The following FKTN variants were observed in gnomAD, a reference collection of about 807,000 sequenced individuals.
The protein encoded by FKTN is fukutin, also known as ribitol-5-phosphate transferase FKTN.
A neutral mutation model predicts 58.6 loss-of-function variants in FKTN; 47 were observed. The ratio of observed to expected loss-of-function variants is 0.80; its 90% confidence interval spans 0.63 to 1.02. The LOEUF (loss-of-function observed/expected upper bound fraction) is 1.02, where lower values mean the gene tolerates loss of function less well. Among genes scored for constraint, FKTN ranks in the 50% least tolerant of loss-of-function variants. The pLI, the probability that FKTN is intolerant of heterozygous loss-of-function variation, is 0.00. For synonymous variants in FKTN, 178 were observed against 191.9 expected (o/e 0.93, Z 0.60); for missense variants, 516 against 537.3 (o/e 0.96, Z 0.39).
intron 3 of FKTN, among the ~76,000 whole-genome samples, chr9:105,585,676 T>G (rs1843776670): frequency 6.6e-6 from 1 of 152,250 alleles, no homozygotes; most frequent in East Asian, 1.9e-4. Context: ...TGAACTATTG[T>G]TAACTTTGTT....
Position 105,639,125 on chromosome 9 carries a change from T to C in FKTN, c.*3861T>C, listed in dbSNP as rs185745657. ...TTCCCTCAAAACCTAGTCAAGAAAG[T>C]GCCACATTCCCACCTTCTAACAGGT... is the stretch of plus-strand genomic sequence containing the variant. On this transcript the variant is annotated 3_prime_UTR_variant, in exon 11 of 11. Coordinates refer to ENST00000357998, the MANE Select transcript of FKTN (RefSeq NM_001079802.2). 5.9e-4 allele frequency: 580 copies of C among 985,304 alleles called. 4 individuals carry two copies. The African/African-American group carries it at 9.6e-3, about 16-fold the overall frequency. The allele number at this position is 985,304 out of a possible 1,614,324, so 61.0% of individuals were successfully genotyped here. A position where few individuals can be genotyped will look rare whatever the true frequency, so the allele number is the denominator to read the frequency against.
At chr9:105,601,415 T>A in intron 5 of FKTN, 67 bp downstream of exon 5, 1 of 1,144,924 alleles carries the variant, frequency 8.7e-7, no homozygotes, top group East Asian at 2.3e-5. Context: ...TTTAGGCTAG[T>A]TTAAAATGTA....
At chr9:105,616,884 A>AG (rs1012537366) in intron 8 of FKTN, among the ~76,000 whole-genome samples, 84 of 152,108 alleles carry the variant, frequency 5.5e-4, no homozygotes, top group Non-Finnish European at 1.1e-3. Context: ...TAAGCCAAAA[A>AG]AAAAAAAAAA....
At chr9:105,568,392 A>G (rs1840089884) in intron 1 of FKTN, among the ~76,000 whole-genome samples, 1 of 152,236 alleles carries the variant, frequency 6.6e-6, no homozygotes, top group Non-Finnish European at 1.5e-5. Flanking sequence ...CAATCTACTC[A>G]TCTGACAAAG....
intron 4 of FKTN, among the ~76,000 whole-genome samples, chr9:105,600,601 G>A (rs1316007726): frequency 6.6e-6 from 1 of 152,064 alleles, no homozygotes; most frequent in Admixed American, 6.6e-5. Context: ...CAGTCATCAA[G>A]CAGGCAGTGT....
At chr9:105,561,478 C>CACTCCT (rs1031805488) in intron 1 of FKTN, among the ~76,000 whole-genome samples, 4 of 152,146 alleles carry the variant, frequency 2.6e-5, no homozygotes, top group Non-Finnish European at 5.9e-5. Context: ...AAAGCACCTA[C>CACTCCT]ACTCCTCCCA....
In FKTN at chr9:105,639,975, A is replaced by G; in HGVS notation, c.*4711A>G. 2.0e-6 allele frequency: 3 copies of G among 1,507,820 alleles called. No homozygotes were observed. The highest frequency in any genetic ancestry group is 2.7e-6 in the Non-Finnish European group (3 of 1,130,742). 93.4% of individuals were successfully genotyped at this position (1,507,820 alleles called of 1,614,324 possible). A position where few individuals can be genotyped will look rare whatever the true frequency, so the allele number is the denominator to read the frequency against. On this transcript the variant is annotated 3_prime_UTR_variant, in exon 11 of 11. Coordinates refer to ENST00000357998, the MANE Select transcript of FKTN (RefSeq NM_001079802.2). ...AAGCCATGATTTGGAGAGGGAAGAA[A>G]TCTGGAATACTTAATTTCATTTAAT...
chr9:105,618,519 C>T (rs1049008165), intron 9 of FKTN, among the ~76,000 whole-genome samples: 9 of 152,178 alleles, frequency 5.9e-5, no homozygotes, highest in South Asian at 2.1e-4. Flanking sequence ...TCATTATCAA[C>T]ATAAAATATT....
intron 3 of FKTN, among the ~76,000 whole-genome samples, chr9:105,578,836 C>T: frequency 6.6e-6 from 1 of 151,894 alleles, no homozygotes; most frequent in East Asian, 1.9e-4. Context: ...TAATTATTGC[C>T]TCAATTTCAG....
At chr9:105,595,719 A>G (rs1221317843) in intron 3 of FKTN, among the ~76,000 whole-genome samples, 1 of 152,168 alleles carries the variant, frequency 6.6e-6, no homozygotes, top group Non-Finnish European at 1.5e-5. Flanking sequence ...GATGGATTGG[A>G]CTTTGTCCCT....
chr9:105,575,626 G>A (rs963608600), intron 3 of FKTN, among the ~76,000 whole-genome samples: 13 of 152,092 alleles, frequency 8.5e-5, no homozygotes, highest in Admixed American at 2.6e-4. Context: ...TTGAGATGGT[G>A]TTGTTACATT....
In FKTN at chr9:105,561,641, A is replaced by C. The variant is rs138353821; in HGVS notation, c.-181+3476A>C. Among the ~76,000 whole-genome samples the C allele has an allele frequency of 3.9e-3, 596 of 152,312 alleles. 6 individuals carry two copies. Among genetic ancestry groups the C allele is most frequent in the African/African-American group, 0.013 (542 of 41,574 alleles). ...TATTTATGATTTTTCTGGAGCATCT[A>C]CTGGAGAAACTAAATTTCATTAGCT... On this transcript the variant is annotated intron_variant, in intron 1 of 10. Coordinates refer to ENST00000357998, the MANE Select transcript of FKTN (RefSeq NM_001079802.2).
At chr9:105,599,861 C>G (rs781006252) in intron 4 of FKTN, among the ~76,000 whole-genome samples, 4 of 152,166 alleles carry the variant, frequency 2.6e-5, no homozygotes, top group East Asian at 3.9e-4. Flanking sequence ...TCCATTTTCT[C>G]AGAAAGTTTT....
At chr9:105,615,245 G>A in intron 7 of FKTN, 33 bp from the exon 8 acceptor site, 1 of 1,609,348 alleles carries the variant, frequency 6.2e-7, no homozygotes, top group Non-Finnish European at 8.5e-7. Flanking sequence ...TTTAGAAATG[G>A]CTGTAATAGC....
chr9:105,571,338 G>C (rs893152540), intron 1 of FKTN, among the ~76,000 whole-genome samples: 3 of 152,126 alleles, frequency 2.0e-5, no homozygotes, highest in African/African-American at 7.2e-5. Flanking sequence ...AGTGGTTACT[G>C]AATATTCCTA....
At position 105,636,803 on chromosome 9, in the gene FKTN, G is replaced by A. The variant is rs542365250; in HGVS notation, c.*1539G>A. 3 of 1,228,794 alleles carry A rather than the reference G, an allele frequency of 2.4e-6. No individual in the cohort carries two copies. The highest frequency in any genetic ancestry group is 3.2e-6 in the Non-Finnish European group (3 of 941,380). The allele number at this position is 1,228,794 out of a possible 1,614,324, so 76.1% of individuals were successfully genotyped here. On this transcript the variant is annotated 3_prime_UTR_variant, in exon 11 of 11. Coordinates refer to ENST00000357998, the MANE Select transcript of FKTN (RefSeq NM_001079802.2). ...GAAACCTGAATGTCTGAGGGAATGG[G>A]CTGGTAGACTTTTTCGAAAACAAAT...
At chr9:105,614,648 C>T (rs1048910844) in intron 7 of FKTN, among the ~76,000 whole-genome samples, 2 of 152,072 alleles carry the variant, frequency 1.3e-5, no homozygotes, top group African/African-American at 2.4e-5. Context: ...TCATAATTAG[C>T]TTTATTTTAT....
Position 105,617,968 on chromosome 9 carries a change from G to A in FKTN, c.920G>A (p.Arg307Gln), listed in dbSNP as rs119463992. Residue 307 changes from arginine to glutamine, a missense_variant, in exon 9 of 11, where the codon CGA becomes CAA. Arg to Gln is a conservative substitution (Grantham distance 43). Transcript: ENST00000357998. ...LSSGTCLGWY[R>Q]QCNIIPYSKD... The stretch of plus-strand genomic sequence containing the variant: ...TTAATCTTCTTTTTAGGATGGTATC[G>A]ACAATGCAACATTATTCCTTATAGC... 16 of 1,584,518 alleles carry A rather than the reference G, an allele frequency of 1.0e-5. No homozygotes were observed. The highest frequency in any genetic ancestry group is 7.8e-5 in the South Asian group (7 of 90,022).
rs141729611 is a variant in FKTN at position 105,601,312 on chromosome 9, T to C, written c.333T>C (p.Thr111=). ...CKFFCVPRDF[T]AFALQYHLWK... The stretch of plus-strand genomic sequence containing the variant: ...TTTTCTGTGTTCCAAGAGACTTTAC[T>C]GCATTTGCACTGCAGTATCACCTAT... The change falls in exon 5 of 11, where the codon ACT becomes ACC. Residue 111 remains threonine (T), a synonymous_variant. Transcript: ENST00000357998. The C allele has an allele frequency of 2.8e-5, 45 of 1,611,502 alleles. No individual in the cohort carries two copies. The African/African-American group carries it at 6.0e-4, about 22-fold the overall frequency.
Sources: allele counts gnomAD v4.1 joint callset (sites outside exome capture counted in the v4.1 genomes callset), GRCh38; gene constraint gnomAD v4.1.1; transcripts MANE v1.5; gene names NCBI Gene and HGNC (gene_info 2026-07-23, HGNC 2026-07-21).